The following TANC2 variants were observed in gnomAD, a reference collection of about 807,000 sequenced individuals.
TANC2 encodes protein TANC2.
A neutral mutation model predicts 210.5 loss-of-function variants in TANC2; 26 were observed. The observed-to-expected ratio is 0.12, with a 90% CI of 0.09 to 0.17. The LOEUF (loss-of-function observed/expected upper bound fraction) is 0.17. TANC2 is among the 10% of genes least tolerant of loss of function. The probability of loss-of-function intolerance (pLI) is 1.00; values close to 1 mark genes in which losing one functional copy is unlikely to be tolerated. For synonymous variants in TANC2, 931 were observed against 967.1 expected (o/e 0.96, Z 0.69); for missense variants, 2,129 against 2,608.9 (o/e 0.82, Z 4.01).
intron 1 of TANC2, among the ~76,000 whole-genome samples, chr17:62,997,453 A>G: frequency 6.6e-6 from 1 of 152,236 alleles, no homozygotes; most frequent in Non-Finnish European, 1.5e-5. Flanking sequence ...GAAAATGGAT[A>G]GCATTTACTT....
intron 14 of TANC2, among the ~76,000 whole-genome samples, chr17:63,365,519 T>C (rs980933261): frequency 6.6e-6 from 1 of 152,196 alleles, no homozygotes; most frequent in Non-Finnish European, 1.5e-5. Flanking sequence ...TCAGACCATG[T>C]AACCTCTTCC....
chr17:63,175,198 AGGAC>A (rs2040534104), intron 5 of TANC2, among the ~76,000 whole-genome samples: 1 of 152,186 alleles, frequency 6.6e-6, no homozygotes, highest in African/African-American at 2.4e-5. Context: ...ATAAAGTTAA[AGGAC>A]TTATTTTTAA....
At chr17:63,021,281 A>G (rs2034337425) in intron 2 of TANC2, among the ~76,000 whole-genome samples, 1 of 152,216 alleles carries the variant, frequency 6.6e-6, no homozygotes, top group African/African-American at 2.4e-5. Context: ...TGGTTTGAAT[A>G]TGATGTGTTC....
At chr17:63,225,983 C>G (rs981763425) in intron 7 of TANC2, among the ~76,000 whole-genome samples, 3 of 152,148 alleles carry the variant, frequency 2.0e-5, no homozygotes, top group African/African-American at 7.2e-5. Flanking sequence ...CAGATATTTT[C>G]ATGTTACTTG....
chr17:63,036,632 A>G (rs9911127), intron 2 of TANC2, among the ~76,000 whole-genome samples: 2,926 of 152,266 alleles, frequency 0.019, 96 homozygotes, highest in African/African-American at 0.066. Context: ...CATCTTGTCT[A>G]TCTATAAAAA....
intron 9 of TANC2, among the ~76,000 whole-genome samples, chr17:63,293,392 T>G (rs947948320): frequency 4.6e-5 from 7 of 152,198 alleles, no homozygotes; most frequent in Non-Finnish European, 1.0e-4. Flanking sequence ...CCCCAAATTA[T>G]CTTTTGCTCA....
chr17:63,232,894 A>G lies in TANC2; in HGVS notation c.770-4920A>G, dbSNP rs371057572. Among the ~76,000 whole-genome samples, 6 of 152,216 alleles carry G rather than the reference A, an allele frequency of 3.9e-5. No individual in the cohort carries two copies. In the South Asian group the frequency reaches 8.3e-4, roughly 21 times the overall value. ...CTGATCAACCGAGACTGCGGCTGCA[A>G]CTGCGGCTGCCTCTCCTTCTGGGGA... On this transcript the variant is annotated intron_variant, in intron 7 of 27. Coordinates refer to ENST00000689528, the Ensembl canonical transcript of TANC2.
At position 63,185,617 on chromosome 17, in the gene TANC2, T is replaced by A. The variant is rs186539516; in HGVS notation, c.434-8374T>A. 1.2e-3 allele frequency among the ~76,000 whole-genome samples: 190 copies of A among 152,352 alleles called. 2 individuals are homozygous for A. The highest frequency in any genetic ancestry group is 0.012 in the Admixed American group (187 of 15,306). On this transcript the variant is annotated intron_variant, in intron 5 of 27. Transcript: ENST00000689528. The stretch of plus-strand genomic sequence containing the variant: ...CAAATTTGATGCTACCAGTTTACAT[T>A]CCCATCAGCACAGCAGTGTTTCAGT...
At chr17:63,039,915 A>G (rs1462708841) in intron 2 of TANC2, among the ~76,000 whole-genome samples, 4 of 152,190 alleles carry the variant, frequency 2.6e-5, no homozygotes, top group Non-Finnish European at 4.4e-5. Flanking sequence ...GTGTGTGTCT[A>G]TATAGATAGG....
chr17:63,031,066 G>T (rs2034748521), intron 2 of TANC2, among the ~76,000 whole-genome samples: 1 of 152,010 alleles, frequency 6.6e-6, no homozygotes, highest in Admixed American at 6.6e-5. Flanking sequence ...TGAGGACTGG[G>T]CCCCAAACTA....
chr17:63,361,045 TTG>T (rs942372007), intron 14 of TANC2, among the ~76,000 whole-genome samples: 1 of 152,236 alleles, frequency 6.6e-6, no homozygotes, highest in African/African-American at 2.4e-5. Context: ...CATTTGTCTG[TTG>T]GTGGACACTT....
At chr17:63,335,034 A>G (rs1343018349) in intron 11 of TANC2, among the ~76,000 whole-genome samples, 2 of 152,142 alleles carry the variant, frequency 1.3e-5, no homozygotes, top group African/African-American at 4.8e-5. Context: ...GACAGCACCA[A>G]GCCTTGAGGG....
intron 4 of TANC2, chr17:63,150,782 A>G (rs1311780073): frequency 6.6e-6 from 1 of 152,184 alleles, no homozygotes; most frequent in Non-Finnish European, 1.5e-5. Context: ...TTATTTCTGG[A>G]TAACAAAAAC....
At chr17:63,423,461 C>G (rs574267302) in exon 28 of TANC2, 2 of 152,224 alleles carry the variant, frequency 1.3e-5, no homozygotes. Context: ...TCAGCTCTTA[C>G]AACTAAACAA....
chr17:63,269,051 C>T (rs563906653), intron 9 of TANC2, among the ~76,000 whole-genome samples: 1 of 152,272 alleles, frequency 6.6e-6, no homozygotes, highest in African/African-American at 2.4e-5. Context: ...TATAGTGCCA[C>T]GTGCACAATT....
chr17:63,373,854 G>A (rs922238013), intron 14 of TANC2, among the ~76,000 whole-genome samples: 4 of 151,894 alleles, frequency 2.6e-5, no homozygotes, highest in African/African-American at 9.7e-5. Flanking sequence ...GGTGGTGCAC[G>A]CCCATAATCC....
At chr17:63,053,787 A>G (rs1356209529) in intron 2 of TANC2, among the ~76,000 whole-genome samples, 2 of 152,182 alleles carry the variant, frequency 1.3e-5, no homozygotes, top group Non-Finnish European at 2.9e-5. Flanking sequence ...TTGCAAGTCC[A>G]TTTTTTAGGC....
intron 5 of TANC2, among the ~76,000 whole-genome samples, chr17:63,185,294 T>C (rs896786034): frequency 6.6e-6 from 1 of 152,044 alleles, no homozygotes; most frequent in African/African-American, 2.4e-5. Flanking sequence ...GGTTTCACCA[T>C]GTTGGCCAGG....
chr17:63,035,218 G>T (rs979512397), intron 2 of TANC2, among the ~76,000 whole-genome samples: 1 of 152,118 alleles, frequency 6.6e-6, no homozygotes, highest in Admixed American at 6.6e-5. Flanking sequence ...CTTGCTGAAG[G>T]CTCAGATGAT....
Sources: gnomAD v4.1 joint callset for allele counts (sites outside exome capture counted in the v4.1 genomes callset) on GRCh38, gnomAD v4.1.1 for gene constraint, MANE v1.5 for transcripts, NCBI Gene and HGNC (gene_info 2026-07-23, HGNC 2026-07-21) for gene names.